DMD: variants seen among roughly 807,000 people sequenced by gnomAD.
DMD encodes dystrophin.
Under a neutral mutation model 330.1 loss-of-function variants are expected in DMD, and 63 were observed. The ratio of observed to expected loss-of-function variants is 0.19; its 90% CI spans 0.16 to 0.24. DMD has a LOEUF of 0.24. DMD is among the 10% of genes least tolerant of loss of function. The pLI is 1.00. For synonymous variants in DMD, 1,223 were observed against 959.8 expected, an observed-to-expected ratio of 1.27 and a Z score of -5.07; for missense variants, 3,344 against 2,684.1, an observed-to-expected ratio of 1.25 and a Z score of -5.43.
chrX:32,075,610 G>A (rs73619026), intron 44 of DMD, among the ~76,000 whole-genome samples: 15,586 of 110,539 alleles, frequency 0.14, 1,011 homozygotes, highest in African/African-American at 0.25. Flanking sequence ...TCTCAATTCT[G>A]TACCCATAAT....
rs776199767 is a variant in DMD at position 32,728,661 on chromosome X, T to C, written c.650-29368A>G. ...GAAAATGTGATAGTTATGGTATTAA[T>C]TGATATTAATCAGTAAGGCAGATAT... On this transcript the variant is annotated intron_variant, in intron 7 of 78. Transcript: ENST00000357033. Among the ~76,000 whole-genome samples the C allele has an allele frequency of 6.2e-5, 7 of 112,462 alleles. No homozygotes were observed. The South Asian group carries it at 1.5e-3, about 23-fold the overall frequency.
At chrX:31,425,565 G>T (rs2063655220) in intron 60 of DMD, among the ~76,000 whole-genome samples, 1 of 111,528 alleles carries the variant, frequency 9.0e-6, no homozygotes. Context: ...CAGTAAGCTT[G>T]TTTCTCATAG....
At chrX:33,257,448 ATTAC>A (rs2052876906) in intron 1 of DMD, among the ~76,000 whole-genome samples, 1 of 111,098 alleles carries the variant, frequency 9.0e-6, no homozygotes, top group Non-Finnish European at 1.9e-5. Flanking sequence ...AGTAAATGAC[ATTAC>A]TTGACAGAAA....
At position 32,485,025 on chromosome X, in the gene DMD, C is replaced by A. The variant is rs1351185153; in HGVS notation, c.2697G>T (p.Glu899Asp). The A allele has an allele frequency of 8.3e-7, 1 of 1,211,443 alleles. No homozygotes were observed. Residue 899 changes from glutamate (E) to aspartate (D), a missense_variant, in exon 21 of 79, where the codon GAG (glutamate) becomes GAT (aspartate). By Grantham distance (45) the Glu-to-Asp change is conservative. Transcript: ENST00000357033. ...RLKIQSIALK[E>D]KGQGPMFLDA... ...CCAGGAACATGGGTCCTTGTCCTTT[C>A]TCTTTCAGGGCTATGCTTTGAATTT...
chrX:32,360,667 A>T (rs1293107936), intron 37 of DMD, among the ~76,000 whole-genome samples: 1 of 108,868 alleles, frequency 9.2e-6, no homozygotes, highest in Non-Finnish European at 1.9e-5. Flanking sequence ...CCCGCCCGTA[A>T]TCCCAGCTAC....
At chrX:32,894,799 ATGT>A (rs1272253966) in intron 2 of DMD, among the ~76,000 whole-genome samples, 1 of 112,240 alleles carries the variant, frequency 8.9e-6, no homozygotes, top group Non-Finnish European at 1.9e-5. Flanking sequence ...CTTACTGGTT[ATGT>A]TGTTGTTTTG....
intron 4 of DMD, among the ~76,000 whole-genome samples, chrX:32,832,328 A>T (rs1429894161): frequency 7.2e-5 from 8 of 111,650 alleles, no homozygotes; most frequent in Non-Finnish European, 1.5e-4. Flanking sequence ...CTTAAACAAT[A>T]ACTAAAAGGG....
intron 7 of DMD, among the ~76,000 whole-genome samples, chrX:32,775,649 A>C (rs1378075333): frequency 8.8e-6 from 1 of 113,130 alleles, no homozygotes; most frequent in Non-Finnish European, 1.9e-5. Context: ...CCAGGTCCCA[A>C]GGCTGCACAG....
At chrX:31,491,827 T>G (rs1374390180) in intron 57 of DMD, among the ~76,000 whole-genome samples, 1 of 112,440 alleles carries the variant, frequency 8.9e-6, no homozygotes, top group Non-Finnish European at 1.9e-5. Flanking sequence ...ACAAGATATG[T>G]AATATTTTGC....
intron 59 of DMD, among the ~76,000 whole-genome samples, chrX:31,448,616 C>G (rs1013867801): frequency 8.9e-6 from 1 of 112,312 alleles, no homozygotes; most frequent in African/African-American, 3.2e-5. Context: ...CTGAGCAATA[C>G]GAGGTGCTAT....
At chrX:33,316,565 T>C (rs932490416) in intron 1 of DMD, among the ~76,000 whole-genome samples, 4 of 111,700 alleles carry the variant, frequency 3.6e-5, no homozygotes, top group African/African-American at 1.3e-4. Flanking sequence ...CCTAGCATCA[T>C]TTGTTGAAAA....
At chrX:32,119,719 A>G (rs997354168) in intron 44 of DMD, among the ~76,000 whole-genome samples, 1 of 112,145 alleles carries the variant, frequency 8.9e-6, no homozygotes, top group African/African-American at 3.2e-5. Flanking sequence ...AGCACTGCAA[A>G]CATATAGCTG....
At chrX:31,299,595 G>A (rs1310160749) in intron 62 of DMD, among the ~76,000 whole-genome samples, 1 of 110,073 alleles carries the variant, frequency 9.1e-6, no homozygotes, top group Non-Finnish European at 1.9e-5. Context: ...GGCCAAATTG[G>A]TGAAACCCTG....
At position 31,569,599 on chromosome X, in the gene DMD, CATATATGT is replaced by C. The variant is rs1569551961; in HGVS notation, c.8217+58066_8217+58073del. ...TATATATATAAAATATATATATACA[CATATATGT>C]ATATACGTATATATACGTATATACG... is the stretch of plus-strand genomic sequence containing the variant. On this transcript the variant is annotated intron_variant, in intron 55 of 78. Coordinates refer to ENST00000357033, the MANE Select transcript of DMD (RefSeq NM_004006.3). Among the ~76,000 whole-genome samples the C allele has an allele frequency of 4.8e-3, 376 of 79,109 alleles. 3 individuals are homozygous for C. Among genetic ancestry groups the C allele is most frequent in the African/African-American group, 0.016 (352 of 22,017 alleles). 68.7% of individuals were successfully genotyped at this position (79,109 alleles called of 115,157 possible).
At position 32,294,304 on chromosome X, in the gene DMD, C is replaced by G. The variant is rs144682976; in HGVS notation, c.6118-6603G>C. 2.4e-3 allele frequency among the ~76,000 whole-genome samples: 274 copies of G among 112,355 alleles called. 1 individual carries two copies. The highest frequency in any genetic ancestry group is 7.8e-3 in the African/African-American group (242 of 30,950). On this transcript the variant is annotated intron_variant, in intron 42 of 78. Coordinates refer to ENST00000357033, the MANE Select transcript of DMD (RefSeq NM_004006.3). ...TTTGTTAGTACATAGCAGGCCCAAACCCTTTAAATGCATAGCTGTAAGCAC... is the reference window on the plus strand; with the variant it reads ...TTTGTTAGTACATAGCAGGCCCAAAGCCTTTAAATGCATAGCTGTAAGCAC...
chrX:32,645,120 G>T lies in DMD; in HGVS notation c.993C>A (p.Gly331=), dbSNP rs1214861321. 8.3e-7 allele frequency: 1 copy of T among 1,209,684 alleles called. No individual in the cohort carries two copies. Among genetic ancestry groups the T allele is most frequent in the African/African-American group, 1.8e-5 (1 of 57,119 alleles). Residue 331 remains glycine, a synonymous_variant, in exon 10 of 79, where the codon GGC becomes GGA. Coordinates refer to ENST00000357033, the MANE Select transcript of DMD (RefSeq NM_004006.3). ...HLEAPEDKSF[G]SSLMESEVNL... ...TTACTTCACTCTCCATCAATGAACT[G>T]CCAAATGACTTGTCTTCAGGAGCTT...
At chrX:32,499,190 G>A (rs2043795764) in intron 19 of DMD, among the ~76,000 whole-genome samples, 1 of 111,736 alleles carries the variant, frequency 8.9e-6, no homozygotes, top group Non-Finnish European at 1.9e-5. Context: ...TTAAAAAGTA[G>A]TTTAATCTTA....
intron 49 of DMD, among the ~76,000 whole-genome samples, chrX:31,833,233 C>T (rs914401516): frequency 5.5e-5 from 5 of 90,727 alleles, no homozygotes; most frequent in Admixed American, 1.4e-4. Flanking sequence ...AAATAACATA[C>T]AAATAAATAA....
chrX:32,481,362 G>A (rs1306232180), intron 21 of DMD, among the ~76,000 whole-genome samples: 2 of 111,349 alleles, frequency 1.8e-5, no homozygotes, highest in African/African-American at 6.5e-5. Context: ...CTTCTCCTCA[G>A]ACTTGTATTG....
Sources: gnomAD v4.1 joint callset for allele counts (sites outside exome capture counted in the v4.1 genomes callset) on GRCh38, gnomAD v4.1.1 for gene constraint, MANE v1.5 for transcripts, NCBI Gene and HGNC (gene_info 2026-07-23, HGNC 2026-07-21) for gene names.